ADAMTS16: variants seen among roughly 807,000 people sequenced by gnomAD.
ADAMTS16 encodes the protein ADAM metallopeptidase with thrombospondin type 1 motif 16.
Under a neutral mutation model 145.8 loss-of-function variants are expected in ADAMTS16, and 94 were observed. The ratio of observed to expected loss-of-function variants is 0.64; its 90% confidence interval spans 0.55 to 0.77. The LOEUF (loss-of-function observed/expected upper bound fraction) is 0.77, where lower values mean the gene tolerates loss of function less well. ADAMTS16 is among the 30% of genes least tolerant of loss of function. The pLI, the probability that ADAMTS16 is intolerant of heterozygous loss-of-function variation, is 0.00. For missense variants in ADAMTS16, 1,585 were observed against 1,591.5 expected (o/e 1.00, Z 0.07); for synonymous variants, 659 against 604.3 (o/e 1.09, Z -1.33).
At chr5:5,157,700 A>G in intron 3 of ADAMTS16, among the ~76,000 whole-genome samples, 1 of 152,156 alleles carries the variant, frequency 6.6e-6, no homozygotes, top group Admixed American at 6.5e-5. Flanking sequence ...AGGGTCCTTT[A>G]TTCTTTTATC....
intron 3 of ADAMTS16, among the ~76,000 whole-genome samples, chr5:5,179,797 A>C (rs1028968133): frequency 1.3e-5 from 2 of 152,014 alleles, no homozygotes; most frequent in East Asian, 3.9e-4. Flanking sequence ...CAGGAGGTCT[A>C]CCCCCCATGG....
At chr5:5,176,036 G>GTTGTCCAA (rs1735186278) in intron 3 of ADAMTS16, 1 of 152,026 alleles carries the variant, frequency 6.6e-6, no homozygotes, top group Non-Finnish European at 1.5e-5. Flanking sequence ...TGTGTGGATG[G>GTTGTCCAA]TTGTCCAATC....
At chr5:5,283,446 A>C (rs1165741212) in intron 18 of ADAMTS16, among the ~76,000 whole-genome samples, 1 of 152,208 alleles carries the variant, frequency 6.6e-6, no homozygotes, top group Non-Finnish European at 1.5e-5. Flanking sequence ...ACACAACACA[A>C]GGAAGAGACC....
intron 8 of ADAMTS16, among the ~76,000 whole-genome samples, chr5:5,197,116 A>G (rs999110494): frequency 6.6e-6 from 1 of 152,184 alleles, no homozygotes; most frequent in African/African-American, 2.4e-5. Flanking sequence ...CCAAAGGTAG[A>G]CTTTGCCATC....
chr5:5,212,429 C>T (rs934797116), intron 10 of ADAMTS16, among the ~76,000 whole-genome samples: 33 of 151,872 alleles, frequency 2.2e-4, no homozygotes, highest in African/African-American at 2.4e-4. Context: ...AGGATGGTCT[C>T]GATCTGACAT....
intron 18 of ADAMTS16, among the ~76,000 whole-genome samples, chr5:5,289,420 CTTG>C (rs1489723313): frequency 1.3e-5 from 2 of 152,212 alleles, no homozygotes; most frequent in African/African-American, 4.8e-5. Context: ...AATATGTGGG[CTTG>C]TTGTTGTTTG....
chr5:5,265,482 G>A (rs777695633), intron 18 of ADAMTS16, among the ~76,000 whole-genome samples: 6 of 152,224 alleles, frequency 3.9e-5, no homozygotes, highest in Non-Finnish European at 7.3e-5. Context: ...CAGAGCCTGG[G>A]AGACAGGGGT....
chr5:5,267,616 A>G (rs898787714), intron 18 of ADAMTS16, among the ~76,000 whole-genome samples: 4 of 152,096 alleles, frequency 2.6e-5, no homozygotes, highest in African/African-American at 9.7e-5. Flanking sequence ...CTCGATGTCA[A>G]ATCACTTGTG....
intron 3 of ADAMTS16, among the ~76,000 whole-genome samples, chr5:5,147,965 C>T (rs1416908683): frequency 6.6e-6 from 1 of 152,170 alleles, no homozygotes; most frequent in Non-Finnish European, 1.5e-5. Flanking sequence ...AATCTGTTCC[C>T]TGAATCGAGG....
chr5:5,206,253 C>A (rs903298877), intron 9 of ADAMTS16, among the ~76,000 whole-genome samples: 1 of 147,220 alleles, frequency 6.8e-6, no homozygotes, highest in South Asian at 2.3e-4. Context: ...GGTGAAACCC[C>A]GTCTCTACTA....
chr5:5,217,317 A>G (rs989536423), intron 10 of ADAMTS16, among the ~76,000 whole-genome samples: 1 of 151,998 alleles, frequency 6.6e-6, no homozygotes, highest in Non-Finnish European at 1.5e-5. Context: ...TAAAACACCA[A>G]AAGCAATGGC....
At chr5:5,162,254 GCTA>G (rs1734758927) in intron 3 of ADAMTS16, among the ~76,000 whole-genome samples, 1 of 152,164 alleles carries the variant, frequency 6.6e-6, no homozygotes, top group South Asian at 2.1e-4. Flanking sequence ...CATTACAGGA[GCTA>G]CTATTGCATT....
At chr5:5,236,787 A>G (rs1191354572) in intron 13 of ADAMTS16, among the ~76,000 whole-genome samples, 182 bp from the exon 14 acceptor site, 1 of 45,880 alleles carries the variant, frequency 2.2e-5, no homozygotes, top group Non-Finnish European at 4.3e-5. Flanking sequence ...GAAGCAATAA[A>G]TAAATTTAAA....
chr5:5,222,130 A>G (rs776388035), intron 10 of ADAMTS16, among the ~76,000 whole-genome samples: 3 of 152,294 alleles, frequency 2.0e-5, no homozygotes, highest in South Asian at 2.1e-4. Flanking sequence ...ATAGTTTACA[A>G]ATCTTTTTCA....
chr5:5,301,367 G>A (rs1428620305), intron 18 of ADAMTS16, among the ~76,000 whole-genome samples: 1 of 152,200 alleles, frequency 6.6e-6, no homozygotes, highest in Non-Finnish European at 1.5e-5. Context: ...ACAGGCGTGA[G>A]CTACCACACC....
chr5:5,183,787 G>A (rs1008892851), intron 4 of ADAMTS16, among the ~76,000 whole-genome samples: 1 of 152,226 alleles, frequency 6.6e-6, no homozygotes, highest in African/African-American at 2.4e-5. Context: ...GTGCGTGTGT[G>A]TGTAGTGTGT....
At chr5:5,222,711 A>G in intron 10 of ADAMTS16, 78 bp from the exon 11 acceptor site, 2 of 1,210,792 alleles carry the variant, frequency 1.7e-6, no homozygotes. Context: ...TTCACCTTAA[A>G]TCTCTCAGTG....
chr5:5,242,282 C>A, intron 17 of ADAMTS16, 91 bp downstream of exon 17: 1 of 1,476,042 alleles, frequency 6.8e-7, no homozygotes, highest in Non-Finnish European at 9.0e-7. Flanking sequence ...TCCTAATGAG[C>A]AGCCCGGGGC....
At chr5:5,303,512 C>T (rs751375680) in intron 19 of ADAMTS16, 43 bp downstream of exon 19, 24 of 1,607,610 alleles carry the variant, frequency 1.5e-5, no homozygotes, top group Non-Finnish European at 2.0e-5. Flanking sequence ...AGGGCCCCTG[C>T]ATGATCTGCT....
Sources: allele counts gnomAD v4.1 joint callset (sites outside exome capture counted in the v4.1 genomes callset), GRCh38; gene constraint gnomAD v4.1.1; transcripts MANE v1.5; gene names NCBI Gene and HGNC (gene_info 2026-07-23, HGNC 2026-07-21).